RORA: variants seen among roughly 807,000 people sequenced by gnomAD.
RORA encodes nuclear receptor ROR-alpha.
In RORA, 7 loss-of-function variants were observed where a neutral mutation model predicts 69.5. The observed-to-expected ratio is 0.10, with a 90% confidence interval of 0.06 to 0.19. RORA has a LOEUF of 0.19. RORA is among the 10% of genes least tolerant of loss of function. The pLI is 1.00. For missense variants in RORA, 457 were observed against 663.0 expected, an observed-to-expected ratio of 0.69 and a Z score of 3.41; for synonymous variants, 261 against 240.8, an observed-to-expected ratio of 1.08 and a Z score of -0.78.
In RORA at chr15:60,844,645, C is replaced by T. The variant is rs80115903; in HGVS notation, c.167-165959G>A. On this transcript the variant is annotated intron_variant, in intron 1 of 10. Transcript: ENST00000335670. The stretch of plus-strand genomic sequence containing the variant: ...CCATACTGCAAAGGAAGGTAAGCCA[C>T]GTGATGATGTGGGTAACCCCAGGCA... Among the ~76,000 whole-genome samples the T allele has an allele frequency of 5.0e-3, 754 of 152,314 alleles. 1 individual carries two copies. The highest frequency in any genetic ancestry group is 8.5e-3 in the Non-Finnish European group (576 of 68,030).
chr15:61,065,481 A>G (rs2078244892), intron 1 of RORA, among the ~76,000 whole-genome samples: 1 of 152,182 alleles, frequency 6.6e-6, no homozygotes, highest in Non-Finnish European at 1.5e-5. Flanking sequence ...GACTGGTTAA[A>G]CCATGTCTCT....
At chr15:60,593,983 G>C (rs953072675) in intron 2 of RORA, among the ~76,000 whole-genome samples, 5 of 151,910 alleles carry the variant, frequency 3.3e-5, no homozygotes, top group Non-Finnish European at 7.4e-5. Context: ...TTTATACAGC[G>C]CTCTGATTTA....
intron 1 of RORA, among the ~76,000 whole-genome samples, chr15:60,802,446 T>C (rs2072598148): frequency 6.6e-6 from 1 of 152,180 alleles, no homozygotes; most frequent in Non-Finnish European, 1.5e-5. Context: ...GGGTGGGAAT[T>C]CTCCTAAATA....
At chr15:60,619,728 A>G (rs1395707448) in intron 2 of RORA, among the ~76,000 whole-genome samples, 1 of 152,208 alleles carries the variant, frequency 6.6e-6, no homozygotes, top group Non-Finnish European at 1.5e-5. Context: ...TCACACAAGG[A>G]TCATCCATCT....
chr15:60,915,674 T>A (rs1449519506), intron 1 of RORA, among the ~76,000 whole-genome samples: 2 of 152,226 alleles, frequency 1.3e-5, no homozygotes, highest in East Asian at 3.8e-4. Context: ...AATAGCCACA[T>A]GTGGCTATTG....
chr15:61,074,455 C>T (rs1175630803), intron 1 of RORA, among the ~76,000 whole-genome samples: 1 of 152,186 alleles, frequency 6.6e-6, no homozygotes, highest in Non-Finnish European at 1.5e-5. Flanking sequence ...CTGGATATGG[C>T]AATTATTCTG....
intron 1 of RORA, among the ~76,000 whole-genome samples, chr15:61,169,080 G>A (rs992296741): frequency 2.7e-5 from 4 of 150,878 alleles, no homozygotes; most frequent in African/African-American, 4.9e-5. Context: ...TATTCCCCCT[G>A]CCAGAGCATA....
At chr15:61,171,391 C>T (rs2079583775) in intron 1 of RORA, among the ~76,000 whole-genome samples, 1 of 152,204 alleles carries the variant, frequency 6.6e-6, no homozygotes, top group African/African-American at 2.4e-5. Flanking sequence ...CTAAGCCAGA[C>T]TGTTGGCCCC....
At chr15:60,725,636 G>A (rs1312412349) in intron 1 of RORA, among the ~76,000 whole-genome samples, 1 of 152,146 alleles carries the variant, frequency 6.6e-6, no homozygotes, top group Non-Finnish European at 1.5e-5. Flanking sequence ...TAGTCACCCT[G>A]CTGTGCTGTG....
intron 1 of RORA, among the ~76,000 whole-genome samples, chr15:60,756,155 T>C (rs1018930934): frequency 2.3e-4 from 35 of 152,242 alleles, no homozygotes; most frequent in African/African-American, 8.4e-4. Flanking sequence ...TTTTAATTTC[T>C]ACTTAAATAA....
At chr15:60,610,877 T>C (rs578138714) in intron 2 of RORA, among the ~76,000 whole-genome samples, 1 of 152,344 alleles carries the variant, frequency 6.6e-6, no homozygotes, top group African/African-American at 2.4e-5. Context: ...AGATAAAATA[T>C]AGAGACTTTA....
At position 61,147,772 on chromosome 15, in the gene RORA, T is replaced by C. The variant is rs143458581; in HGVS notation, c.166+81281A>G. Reference sequence around the variant, plus strand: ...GTAGGCACGTGCGCACACGCGTGTGTGTGTGTGTGTGTGTGTGTGTGTGAA... The same window carrying C: ...GTAGGCACGTGCGCACACGCGTGTGCGTGTGTGTGTGTGTGTGTGTGTGAA... On this transcript the variant is annotated intron_variant, in intron 1 of 10. Coordinates refer to ENST00000335670, the MANE Select transcript of RORA (RefSeq NM_134261.3). This position sits in a 1 kb window ranked among gnomAD's most constrained non-coding sequence, Gnocchi z 4.1. 8.0e-3 allele frequency among the ~76,000 whole-genome samples: 1,030 copies of C among 128,736 alleles called. 5 individuals carry two copies. Among genetic ancestry groups the C allele is most frequent in the Non-Finnish European group, 0.011 (617 of 56,004 alleles). 84.5% of individuals were successfully genotyped at this position (128,736 alleles called of 152,430 possible).
intron 1 of RORA, among the ~76,000 whole-genome samples, chr15:61,006,700 A>G (rs535424826): frequency 1.3e-5 from 2 of 152,254 alleles, no homozygotes; most frequent in Admixed American, 6.5e-5. Flanking sequence ...TTTTCTCAGG[A>G]AAGACCATGA....
chr15:61,070,413 G>C (rs188441363), intron 1 of RORA, among the ~76,000 whole-genome samples: 1 of 152,192 alleles, frequency 6.6e-6, no homozygotes, highest in Non-Finnish European at 1.5e-5. Flanking sequence ...TGGTAGAAGA[G>C]ACCCCAACAC....
intron 1 of RORA, among the ~76,000 whole-genome samples, chr15:61,002,533 TA>T (rs1231104766): frequency 6.6e-5 from 10 of 152,160 alleles, no homozygotes; most frequent in Non-Finnish European, 1.2e-4. Flanking sequence ...CAATACCATA[TA>T]AAAATATTAA....
At chr15:61,035,820 T>C (rs1212826663) in intron 1 of RORA, among the ~76,000 whole-genome samples, 1 of 152,132 alleles carries the variant, frequency 6.6e-6, no homozygotes, top group African/African-American at 2.4e-5. Context: ...GGCAGAGAGA[T>C]ACAGAGAAAA....
At position 60,658,991 on chromosome 15, in the gene RORA, A is replaced by G. The variant is rs1325643074; in HGVS notation, c.196+19666T>C. On this transcript the variant is annotated intron_variant, in intron 2 of 10. Coordinates refer to ENST00000335670, the MANE Select transcript of RORA (RefSeq NM_134261.3). ...GAGTATATTGACCCATCCCTGACAG[A>G]AAGTCTGTGTAAGCCCGAGGAGGAG... 2.6e-5 allele frequency among the ~76,000 whole-genome samples: 4 copies of G among 152,226 alleles called. No individual in the cohort carries two copies. In the East Asian group the frequency reaches 7.7e-4, roughly 29 times the overall value.
intron 10 of RORA, among the ~76,000 whole-genome samples, chr15:60,498,980 A>T (rs916428389): frequency 3.3e-5 from 5 of 152,180 alleles, no homozygotes; most frequent in African/African-American, 1.2e-4. Context: ...CTAAGACCAA[A>T]TACATACTAC....
chr15:61,034,965 C>A (rs979569508), intron 1 of RORA, among the ~76,000 whole-genome samples: 2 of 152,050 alleles, frequency 1.3e-5, no homozygotes, highest in Non-Finnish European at 2.9e-5. Flanking sequence ...CAGAAAAATT[C>A]AACTATGAAG....
Sources: allele counts gnomAD v4.1 joint callset (sites outside exome capture counted in the v4.1 genomes callset), GRCh38; gene constraint gnomAD v4.1.1; non-coding constraint Gnocchi (gnomAD v3.1); transcripts MANE v1.5; gene names NCBI Gene and HGNC (gene_info 2026-07-23, HGNC 2026-07-21).